The following ACVR1 variants were observed in gnomAD, a reference collection of about 807,000 sequenced individuals.
ACVR1 encodes the protein activin A receptor type 1, also known as activin receptor type-1.
Under a neutral mutation model 57.1 loss-of-function variants are expected in ACVR1, and 38 were observed. That is an observed-to-expected ratio of 0.67 (90% CI 0.51 to 0.87). The LOEUF (loss-of-function observed/expected upper bound fraction) is 0.87, where lower values mean the gene tolerates loss of function less well. ACVR1 is among the 40% of genes least tolerant of loss of function. The pLI is 0.00. For missense variants in ACVR1, 463 were observed against 638.2 expected, an observed-to-expected ratio of 0.73 and a Z score of 2.96; for synonymous variants, 212 against 228.1, an observed-to-expected ratio of 0.93 and a Z score of 0.63.
chr2:157,819,056 T>C (rs4664899), intron 1 of ACVR1, among the ~76,000 whole-genome samples: 106,583 of 128,770 alleles, frequency 0.83, 43,902 homozygotes, highest in Middle Eastern at 0.87. Flanking sequence ...CCAGCCTGGG[T>C]GACAGAGCGA....
intron 1 of ACVR1, among the ~76,000 whole-genome samples, chr2:157,824,128 A>T (rs887336582): frequency 1.3e-5 from 2 of 152,190 alleles, no homozygotes; most frequent in African/African-American, 4.8e-5. Context: ...TATTAGGTTG[A>T]ATCCTATGCA....
At chr2:157,860,089 T>C (rs1689671648) in intron 1 of ACVR1, 1 of 151,886 alleles carries the variant, frequency 6.6e-6, no homozygotes, top group Admixed American at 6.6e-5. Context: ...GTCTAGAAAC[T>C]CCCCAGGTGC....
chr2:157,863,449 C>T (rs1028343793), intron 1 of ACVR1, among the ~76,000 whole-genome samples: 1 of 138,598 alleles, frequency 7.2e-6, no homozygotes, highest in African/African-American at 2.7e-5. Context: ...GTAATCCCAG[C>T]ACTTTGGGAG....
chr2:157,812,312 G>C (rs1352441251), intron 2 of ACVR1, among the ~76,000 whole-genome samples: 1 of 152,142 alleles, frequency 6.6e-6, no homozygotes, highest in African/African-American at 2.4e-5. Flanking sequence ...AACTGTAAGG[G>C]AAAGAAAGGG....
intron 3 of ACVR1, among the ~76,000 whole-genome samples, chr2:157,799,136 T>C (rs1198016795): frequency 6.6e-6 from 1 of 152,076 alleles, no homozygotes; most frequent in Non-Finnish European, 1.5e-5. Flanking sequence ...CCTCAGGTGA[T>C]CCACCTGCCT....
chr2:157,803,201 C>T (rs956706823), intron 2 of ACVR1, among the ~76,000 whole-genome samples: 1 of 151,810 alleles, frequency 6.6e-6, no homozygotes, highest in African/African-American at 2.4e-5. Context: ...GTCCCAAATA[C>T]CTATTAACAG....
chr2:157,822,652 T>C (rs1382225234), intron 1 of ACVR1, among the ~76,000 whole-genome samples: 1 of 152,220 alleles, frequency 6.6e-6, no homozygotes, highest in Non-Finnish European at 1.5e-5. Flanking sequence ...GTGAACATTA[T>C]TGGATGTTAT....
chr2:157,830,265 G>C (rs898603979), intron 1 of ACVR1, among the ~76,000 whole-genome samples: 1 of 152,068 alleles, frequency 6.6e-6, no homozygotes, highest in African/African-American at 2.4e-5. Flanking sequence ...GATAATAAAT[G>C]ATGTACCCTG....
At chr2:157,807,224 C>G (rs370398560) in intron 2 of ACVR1, among the ~76,000 whole-genome samples, 1 of 152,268 alleles carries the variant, frequency 6.6e-6, no homozygotes, top group East Asian at 1.9e-4. Context: ...TCAAAGGCTC[C>G]CCAGTAAATT....
rs762094464 is a variant in ACVR1, at chr2:157,738,435, C to T, written c.1395+5G>A. ...GCTCTAAAACTGAGAAACTGGCATT[C>T]TTACCGGGTCTGAGAACCATCTGTT... On this transcript the variant is annotated splice_donor_5th_base_variant and intron_variant, in intron 10 of 10. Transcript: ENST00000434821. 4.5e-5 allele frequency: 72 copies of T among 1,613,954 alleles called. 1 individual carries two copies. In the Middle Eastern group the frequency reaches 8.2e-4, roughly 18 times the overall value.
intron 1 of ACVR1, among the ~76,000 whole-genome samples, chr2:157,860,726 T>C (rs969585370): frequency 1.3e-5 from 2 of 152,092 alleles, no homozygotes; most frequent in Non-Finnish European, 2.9e-5. Flanking sequence ...AATCTAATAA[T>C]GTCACTTCTT....
At chr2:157,830,626 G>A (rs1688548619) in intron 1 of ACVR1, among the ~76,000 whole-genome samples, 1 of 150,556 alleles carries the variant, frequency 6.6e-6, no homozygotes, top group Non-Finnish European at 1.5e-5. Context: ...TACACACAGA[G>A]AGAGAAAACA....
intron 1 of ACVR1, among the ~76,000 whole-genome samples, chr2:157,874,594 A>C (rs533031164): frequency 1.1e-4 from 16 of 152,280 alleles, no homozygotes; most frequent in East Asian, 7.7e-4. Context: ...AAATTTCTTA[A>C]CACCACCTTT....
chr2:157,773,454 A>C (rs1258659925), intron 6 of ACVR1, among the ~76,000 whole-genome samples: 5 of 152,202 alleles, frequency 3.3e-5, no homozygotes, highest in African/African-American at 1.2e-4. Context: ...ACTGCTACAT[A>C]ATCTTCAAAA....
chr2:157,737,302 C>T lies in ACVR1; in HGVS notation c.*229G>A. 1.7e-6 allele frequency: 1 copy of T among 603,490 alleles called. No homozygotes were observed. Among genetic ancestry groups the T allele is most frequent in the South Asian group, 1.9e-5 (1 of 53,482 alleles). 37.4% of individuals were successfully genotyped at this position (603,490 alleles called of 1,614,324 possible). On this transcript the variant is annotated 3_prime_UTR_variant, in exon 11 of 11. Coordinates refer to ENST00000434821, the MANE Select transcript of ACVR1 (RefSeq NM_001111067.4). ...AACAGTGTCTGTCCAACATTAGTCT[C>T]TGCAGTGTGAACAGTTCGTGAAATG...
chr2:157,766,742 A>G (rs971148652), intron 7 of ACVR1, among the ~76,000 whole-genome samples: 6 of 152,238 alleles, frequency 3.9e-5, no homozygotes, highest in African/African-American at 1.4e-4. Flanking sequence ...AAACCAACCA[A>G]ATATATGAGT....
chr2:157,778,460 G>T lies in ACVR1; in HGVS notation c.332-118C>A, dbSNP rs979372148. ...CTGACCACACAGTCTCACAACTCAC[G>T]AAGTATTAAAACTAAAACACTTCCT... On this transcript the variant is annotated intron_variant, in intron 4 of 10. Coordinates refer to ENST00000434821, the MANE Select transcript of ACVR1 (RefSeq NM_001111067.4). 5.8e-6 allele frequency: 5 copies of T among 855,428 alleles called. No homozygotes were observed. The East Asian group carries it at 1.1e-4, about 18-fold the overall frequency. 53.0% of individuals were successfully genotyped at this position (855,428 alleles called of 1,614,324 possible). A position where few individuals can be genotyped will look rare whatever the true frequency, so the allele number is the denominator to read the frequency against.
At position 157,778,124 on chromosome 2, in the gene ACVR1, G is replaced by T; in HGVS notation, c.543+7C>A. The T allele has an allele frequency of 6.2e-7, 1 of 1,613,334 alleles. No individual in the cohort carries two copies. Among genetic ancestry groups the T allele is most frequent in the South Asian group, 1.1e-5 (1 of 90,994 alleles). ...TGCTTGGGATTTCCTGTGGGGTCAT[G>T]ACTTACTGCTAAAGTGCTGTCTCCA... is the stretch of plus-strand genomic sequence containing the variant. On this transcript the variant is annotated splice_region_variant and intron_variant, in intron 5 of 10. Transcript: ENST00000434821.
At chr2:157,801,175 CTT>C (rs1257447097) in intron 2 of ACVR1, among the ~76,000 whole-genome samples, 4 of 152,186 alleles carry the variant, frequency 2.6e-5, no homozygotes, top group Non-Finnish European at 5.9e-5. Flanking sequence ...TAACTTGAGA[CTT>C]AATCTGGTCT....
Sources: allele counts gnomAD v4.1 joint callset (sites outside exome capture counted in the v4.1 genomes callset), GRCh38; gene constraint gnomAD v4.1.1; transcripts MANE v1.5; gene names NCBI Gene and HGNC (gene_info 2026-07-23, HGNC 2026-07-21).